CDKN2B-AS1: variants seen among roughly 807,000 people sequenced by gnomAD.
The protein encoded by CDKN2B-AS1 is CDKN2B antisense RNA 1 (non-protein coding).
intron 1 of CDKN2B-AS1, among the ~76,000 whole-genome samples, chr9:22,018,665 G>GA (rs1439892901): frequency 6.6e-6 from 1 of 152,082 alleles, no homozygotes; most frequent in African/African-American, 2.4e-5. Context: ...AACAAACAAA[G>GA]AAAAACATAA....
At chr9:22,125,955 A>G (rs1818011722) in intron 4 of CDKN2B-AS1, among the ~76,000 whole-genome samples, 1 of 152,252 alleles carries the variant, frequency 6.6e-6, no homozygotes, top group African/African-American at 2.4e-5. Context: ...TCTCTTTCAT[A>G]CTATAGCCAA....
chr9:22,012,669 G>T lies in CDKN2B-AS1; in HGVS notation n.29+17508G>T, dbSNP rs117507589. ...ACTGGTTGACTGGCCAAGAGAAACA[G>T]CGACCTAACCTTGCCCTCATTTATG... On this transcript the variant is annotated intron_variant and non_coding_transcript_variant, in intron 1 of 4. Coordinates refer to ENST00000650946, the Ensembl canonical transcript of CDKN2B-AS1. 3.6e-3 allele frequency: 1,256 copies of T among 351,316 alleles called. 21 individuals carry two copies. The East Asian group carries it at 0.043, about 12-fold the overall frequency. The allele number at this position is 351,316 out of a possible 1,614,324, so 21.8% of individuals were successfully genotyped here. A position where few individuals can be genotyped will look rare whatever the true frequency, so the allele number is the denominator to read the frequency against.
chr9:22,010,100 T>G (rs1319285160), intron 1 of CDKN2B-AS1, among the ~76,000 whole-genome samples: 1 of 152,212 alleles, frequency 6.6e-6, no homozygotes, highest in Non-Finnish European at 1.5e-5. Flanking sequence ...TATCTTATTT[T>G]TATTTATCAT....
At chr9:22,013,816 A>T (rs78782630) in intron 1 of CDKN2B-AS1, among the ~76,000 whole-genome samples, 1 of 151,670 alleles carries the variant, frequency 6.6e-6, no homozygotes, top group Non-Finnish European at 1.5e-5. Flanking sequence ...CAATTTATCT[A>T]TTGCAGAAAT....
chr9:22,039,086 T>G lies in CDKN2B-AS1; in HGVS notation n.30-7665T>G, dbSNP rs1012492181. Among the ~76,000 whole-genome samples the G allele has an allele frequency of 6.6e-6, 1 of 152,022 alleles. No homozygotes were observed. The highest frequency in any genetic ancestry group is 1.5e-5 in the Non-Finnish European group (1 of 67,958). On this transcript the variant is annotated intron_variant and non_coding_transcript_variant, in intron 1 of 4. Transcript: ENST00000650946. This position sits in a 1 kb window ranked among gnomAD's most constrained non-coding sequence, Gnocchi z 4.4. ...ATGGGTTTAGGGATTTAGAAATTTC[T>G]TTACTAAATAACTCTAGGGAACAGT... is the stretch of plus-strand genomic sequence containing the variant.
chr9:22,098,096 A>G (rs566812896), intron 4 of CDKN2B-AS1, among the ~76,000 whole-genome samples: 30 of 152,126 alleles, frequency 2.0e-4, no homozygotes, highest in African/African-American at 7.0e-4. Flanking sequence ...TTAGTGAAAA[A>G]ACACCAGCAC....
intron 4 of CDKN2B-AS1, among the ~76,000 whole-genome samples, chr9:22,106,541 A>C (rs1437125646): frequency 6.6e-6 from 1 of 152,150 alleles, no homozygotes; most frequent in Non-Finnish European, 1.5e-5. Flanking sequence ...CTTAATTCTC[A>C]GCTTTCTTAT....
At chr9:22,020,168 C>T (rs527543176) in intron 1 of CDKN2B-AS1, among the ~76,000 whole-genome samples, 2 of 152,306 alleles carry the variant, frequency 1.3e-5, no homozygotes, top group African/African-American at 4.8e-5. Context: ...ATAATGGCTT[C>T]CAGCTCCATC....
chr9:22,016,348 AT>A (rs1369707026), intron 1 of CDKN2B-AS1, among the ~76,000 whole-genome samples: 6 of 152,236 alleles, frequency 3.9e-5, no homozygotes, highest in Non-Finnish European at 7.3e-5. Flanking sequence ...GGAAGAATCA[AT>A]ATCGTGAAAA....
At chr9:22,087,032 C>T (rs773124849) in intron 4 of CDKN2B-AS1, among the ~76,000 whole-genome samples, 20 of 152,224 alleles carry the variant, frequency 1.3e-4, no homozygotes, top group Admixed American at 2.6e-4. Context: ...CATTATTGGT[C>T]AGTTACTAGT....
intron 1 of CDKN2B-AS1, chr9:22,030,580 G>A (rs2131244892): frequency 6.6e-6 from 1 of 152,228 alleles, no homozygotes; most frequent in East Asian, 1.9e-4. Flanking sequence ...TGGAAGTTCA[G>A]CCCTTTAAAA....
rs550428827 is a variant in CDKN2B-AS1, at chr9:21,997,972, A to G, written n.29+2811A>G. 1.6e-4 allele frequency among the ~76,000 whole-genome samples: 24 copies of G among 152,318 alleles called. No individual in the cohort carries two copies. Among genetic ancestry groups the G allele is most frequent in the Admixed American group, 9.1e-4 (14 of 15,302 alleles). On this transcript the variant is annotated intron_variant and non_coding_transcript_variant, in intron 1 of 4. Transcript: ENST00000650946. This position sits in a 1 kb window ranked among gnomAD's most constrained non-coding sequence, Gnocchi z 4.8. ...CTCAAAGTATAATCATTTTCTCTCC[A>G]CAGGAACTAGACCTAGGGATAAGGG...
chr9:22,030,881 AG>A (rs1822439892), intron 1 of CDKN2B-AS1: 1 of 152,176 alleles, frequency 6.6e-6, no homozygotes, highest in South Asian at 2.1e-4. Context: ...TATTGATAAC[AG>A]GGGATGGATT....
intron 1 of CDKN2B-AS1, among the ~76,000 whole-genome samples, chr9:22,017,200 G>T (rs933248570): frequency 1.3e-5 from 2 of 152,208 alleles, no homozygotes; most frequent in African/African-American, 4.8e-5. Flanking sequence ...GCCGAGGCGC[G>T]CAGATCACAA....
At chr9:22,116,149 TTTTATAA>T (rs1385537564) in intron 4 of CDKN2B-AS1, among the ~76,000 whole-genome samples, 1 of 152,220 alleles carries the variant, frequency 6.6e-6, no homozygotes, top group Non-Finnish European at 1.5e-5. Context: ...CTGAGGATAC[TTTTATAA>T]TTGATAATTT....
chr9:22,069,396 G>A (rs944137826), intron 4 of CDKN2B-AS1, among the ~76,000 whole-genome samples: 2 of 152,068 alleles, frequency 1.3e-5, no homozygotes, highest in African/African-American at 4.8e-5. Flanking sequence ...TGACAAAATT[G>A]TGCACTCAAC....
intron 1 of CDKN2B-AS1, among the ~76,000 whole-genome samples, chr9:22,018,658 A>G (rs1270256972): frequency 6.6e-6 from 1 of 152,216 alleles, no homozygotes; most frequent in East Asian, 1.9e-4. Context: ...ATCTAAAAAC[A>G]AACAAAGAAA....
chr9:22,046,299 A>G (rs1287694821), intron 1 of CDKN2B-AS1: 1 of 152,134 alleles, frequency 6.6e-6, no homozygotes, highest in Non-Finnish European at 1.5e-5. Flanking sequence ...AAATCATCAT[A>G]ATAAATCACT....
chr9:22,089,994 C>A lies in CDKN2B-AS1; in HGVS notation n.438+33607C>A, dbSNP rs1453322951. Among the ~76,000 whole-genome samples, 5 of 114,058 alleles carry A rather than the reference C, an allele frequency of 4.4e-5. No individual in the cohort carries two copies. In the Admixed American group the frequency reaches 5.0e-4, roughly 11 times the overall value. The allele number at this position is 114,058 out of a possible 152,430, so 74.8% of individuals were successfully genotyped here. A position where few individuals can be genotyped will look rare whatever the true frequency, so the allele number is the denominator to read the frequency against. ...CCTCCCCCCTCCCCCCACCCCACAA[C>A]AGGCCCCGGTGTGTGATGTTCCCCT... On this transcript the variant is annotated intron_variant and non_coding_transcript_variant, in intron 4 of 4. Transcript: ENST00000650946.
Sources: gnomAD v4.1 joint callset for allele counts (sites outside exome capture counted in the v4.1 genomes callset) on GRCh38, gnomAD v4.1.1 for gene constraint, Gnocchi (gnomAD v3.1) non-coding constraint, MANE v1.5 for transcripts, NCBI Gene and HGNC (gene_info 2026-07-23, HGNC 2026-07-21) for gene names.